The following KLHDC3 variants were observed in gnomAD, a reference collection of about 807,000 sequenced individuals.
KLHDC3 encodes the protein kelch domain containing 3.
A neutral mutation model predicts 44.1 loss-of-function variants in KLHDC3; 5 were observed. The observed-to-expected ratio is 0.11, with a 90% CI of 0.06 to 0.24. The LOEUF (loss-of-function observed/expected upper bound fraction) is 0.24. Among genes scored for constraint, KLHDC3 ranks in the 10% least tolerant of loss-of-function variants. KLHDC3 has a pLI of 1.00. For synonymous variants in KLHDC3, 170 were observed against 189.0 expected (o/e 0.90, Z 0.82); for missense variants, 247 against 514.3 (o/e 0.48, Z 5.03).
intron 10 of KLHDC3, among the ~76,000 whole-genome samples, 176 bp downstream of exon 10, chr6:43,019,542 T>C (rs757622033): frequency 2.0e-5 from 3 of 152,138 alleles, no homozygotes; most frequent in South Asian, 2.1e-4. Flanking sequence ...CATATAAAAC[T>C]GTCAGCAGAA....
At chr6:43,015,967 C>T (rs908282005) in intron 1 of KLHDC3, among the ~76,000 whole-genome samples, 5 of 151,394 alleles carry the variant, frequency 3.3e-5, no homozygotes, top group South Asian at 2.1e-4. Flanking sequence ...GACAGAGTCT[C>T]GCTCTGTCGC....
intron 1 of KLHDC3, among the ~76,000 whole-genome samples, chr6:43,015,744 G>C (rs1052864655): frequency 2.6e-5 from 4 of 151,620 alleles, no homozygotes; most frequent in African/African-American, 9.7e-5. Context: ...CAGCTACTTG[G>C]GAGGCTGAGG....
At chr6:43,014,533 G>A (rs746105229) in intron 1 of KLHDC3, 185 bp downstream of exon 1, 1 of 467,882 alleles carries the variant, frequency 2.1e-6, no homozygotes, top group South Asian at 1.5e-5. Context: ...CGAGGAGATG[G>A]GTAGGAGAGA....
At chr6:43,014,676 G>A in intron 1 of KLHDC3, 1 of 455,410 alleles carries the variant, frequency 2.2e-6, no homozygotes, top group Non-Finnish European at 4.4e-6. Context: ...TCTGGAAGAA[G>A]ACAGGGATAG....
chr6:43,017,059 C>T lies in KLHDC3; in HGVS notation c.-59-75C>T. 1 of 1,036,130 alleles carries T rather than the reference C, an allele frequency of 9.7e-7. No homozygotes were observed. The highest frequency in any genetic ancestry group is 2.4e-5 in the East Asian group (1 of 41,838). The allele number at this position is 1,036,130 out of a possible 1,614,324, so 64.2% of individuals were successfully genotyped here. A position where few individuals can be genotyped will look rare whatever the true frequency, so the allele number is the denominator to read the frequency against. On this transcript the variant is annotated intron_variant, in intron 1 of 10. Transcript: ENST00000326974. This position sits in a 1 kb window ranked among gnomAD's most constrained non-coding sequence, Gnocchi z 6.0. ...CCAGGGTGACACTTGGAGGCAAAGG[C>T]TGGTTCTGGGCAGAGTCACAGTGAG...
At chr6:43,019,806 C>T (rs1389458363) in intron 10 of KLHDC3, among the ~76,000 whole-genome samples, 4 of 152,154 alleles carry the variant, frequency 2.6e-5, no homozygotes, top group Non-Finnish European at 5.9e-5. Flanking sequence ...TCAAATTAAC[C>T]ACCAGATGTT....
Position 43,017,058 on chromosome 6 carries a change from G to A in KLHDC3, c.-59-76G>A. On this transcript the variant is annotated intron_variant, in intron 1 of 10. Coordinates refer to ENST00000326974, the MANE Select transcript of KLHDC3 (RefSeq NM_057161.4). The surrounding 1 kb of genome is among the most constrained non-coding windows in gnomAD (Gnocchi z 6.0). The stretch of plus-strand genomic sequence containing the variant: ...CCCAGGGTGACACTTGGAGGCAAAG[G>A]CTGGTTCTGGGCAGAGTCACAGTGA... The A allele has an allele frequency of 9.8e-7, 1 of 1,024,150 alleles. No individual in the cohort carries two copies. Among genetic ancestry groups the A allele is most frequent in the Non-Finnish European group, 1.4e-6 (1 of 694,336 alleles). 63.4% of individuals were successfully genotyped at this position (1,024,150 alleles called of 1,614,324 possible).
In KLHDC3 at chr6:43,020,940, C is replaced by G; in HGVS notation, c.*207C>G. Reference sequence around the variant, plus strand: ...TCCTCCCCCCTTGGGCCGAGGGCCCCTTCCCCTTGGTGCTCTGTCCCCATC... The same window carrying G: ...TCCTCCCCCCTTGGGCCGAGGGCCCGTTCCCCTTGGTGCTCTGTCCCCATC... On this transcript the variant is annotated 3_prime_UTR_variant, in exon 11 of 11. Transcript: ENST00000326974. 1 of 664,880 alleles carries G rather than the reference C, an allele frequency of 1.5e-6. No homozygotes were observed. Among genetic ancestry groups the G allele is most frequent in the Non-Finnish European group, 2.8e-6 (1 of 362,968 alleles). The allele number at this position is 664,880 out of a possible 1,614,324, so 41.2% of individuals were successfully genotyped here.
chr6:43,017,983 AAAAT>A lies in KLHDC3; in HGVS notation c.447+18_447+21del. On this transcript the variant is annotated intron_variant, in intron 4 of 10. Transcript: ENST00000326974. This position sits in a 1 kb window ranked among gnomAD's most constrained non-coding sequence, Gnocchi z 6.0. ...ACGAGCAGCAGGTAGGTCTGGGAATAAAATAAGAGGTTTAGGGTGGGACTGAGAA... is the reference window on the plus strand; with the variant it reads ...ACGAGCAGCAGGTAGGTCTGGGAATAAAGAGGTTTAGGGTGGGACTGAGAA... The A allele has an allele frequency of 6.3e-7, 1 of 1,597,590 alleles. No homozygotes were observed. Among genetic ancestry groups the A allele is most frequent in the South Asian group, 1.1e-5 (1 of 90,748 alleles).
At position 43,018,378 on chromosome 6, in the gene KLHDC3, C is replaced by T. The variant is rs759389901; in HGVS notation, c.555C>T (p.Ala185=). The stretch of plus-strand genomic sequence containing the variant: ...CACGCTGGAGGGACTTCCACTCAGC[C>T]ACAATGCTGGGAAGTCACATGTATG... ...SPARWRDFHS[A]TMLGSHMYVF... is the part of the protein sequence containing the mutation. Residue 185 remains alanine (A), a synonymous_variant, in exon 6 of 11, where the codon GCC becomes GCT. Coordinates refer to ENST00000326974, the MANE Select transcript of KLHDC3 (RefSeq NM_057161.4). This position sits in a 1 kb window ranked among gnomAD's most constrained non-coding sequence, Gnocchi z 6.0. The T allele has an allele frequency of 6.2e-7, 1 of 1,614,058 alleles. No individual in the cohort carries two copies. The highest frequency in any genetic ancestry group is 8.5e-7 in the Non-Finnish European group (1 of 1,180,020).
chr6:43,019,423 G>A (rs1762644401), intron 10 of KLHDC3, 57 bp downstream of exon 10: 1 of 1,209,298 alleles, frequency 8.3e-7, no homozygotes. Context: ...CAGCACAGGT[G>A]TGACCTGATT....
At chr6:43,016,957 C>T (rs978002957) in intron 1 of KLHDC3, 177 bp from the exon 2 acceptor site, 52 of 560,150 alleles carry the variant, frequency 9.3e-5, no homozygotes, top group Middle Eastern at 4.8e-4. Flanking sequence ...TCCCTGACCT[C>T]GGCAGCTCCC....
chr6:43,014,441 AT>A (rs940490120), intron 1 of KLHDC3, 93 bp downstream of exon 1: 1 of 387,862 alleles, frequency 2.6e-6, no homozygotes, highest in African/African-American at 3.1e-5. Context: ...CCTGAGAGTG[AT>A]GAGGTGGGGG....
chr6:43,014,370 G>C (rs1762503249), intron 1 of KLHDC3, 22 bp downstream of exon 1: 8 of 628,058 alleles, frequency 1.3e-5, no homozygotes, highest in Non-Finnish European at 2.9e-6. Flanking sequence ...TGGGTAGAAG[G>C]GCAAGGGAGA....
Position 43,017,135 on chromosome 6 carries a change from T to C in KLHDC3, c.-58T>C. On this transcript the variant is annotated splice_region_variant and 5_prime_UTR_variant, in exon 2 of 11. Transcript: ENST00000326974. This position sits in a 1 kb window ranked among gnomAD's most constrained non-coding sequence, Gnocchi z 6.0. ...CCCGTGGCCCCAATTTGTGTGCAGA[T>C]AGCAGAGGCAGCAGGCCGTGCCGGG... 4.5e-6 allele frequency: 7 copies of C among 1,572,162 alleles called. No homozygotes were observed. The highest frequency in any genetic ancestry group is 1.2e-5 in the South Asian group (1 of 86,522).
Position 43,017,684 on chromosome 6 carries a change from C to T in KLHDC3, c.320C>T (p.Ala107Val), listed in dbSNP as rs1762610176. 6.2e-7 allele frequency: 1 copy of T among 1,611,158 alleles called. No homozygotes were observed. Among genetic ancestry groups the T allele is most frequent in the Non-Finnish European group, 8.5e-7 (1 of 1,178,314 alleles). Residue 107 changes from alanine to valine, a missense_variant, in exon 3 of 11, where the codon GCC (alanine) becomes GTC (valine). Physicochemically the swap from Ala to Val is moderately conservative, Grantham distance 64. This residue lies in a region of KLHDC3 where 176 missense variants were observed against 413.5 expected (regional missense o/e 0.43). Coordinates refer to ENST00000326974, the MANE Select transcript of KLHDC3 (RefSeq NM_057161.4). The surrounding 1 kb of genome is among the most constrained non-coding windows in gnomAD (Gnocchi z 6.0). ...DTEGACNVLY[A>V]FDVNTHKWFT... Reference sequence around the variant, plus strand: ...GAAGGGGCCTGCAATGTGCTCTATGCCTTTGACGTCAGTGAGTATGGATCT... The same window carrying T: ...GAAGGGGCCTGCAATGTGCTCTATGTCTTTGACGTCAGTGAGTATGGATCT...
In KLHDC3 at chr6:43,017,256, G is replaced by T. The variant is rs1034683747; in HGVS notation, c.64G>T (p.Val22Phe). The T allele has an allele frequency of 6.2e-7, 1 of 1,614,206 alleles. No homozygotes were observed. Among genetic ancestry groups the T allele is most frequent in the East Asian group, 2.2e-5 (1 of 44,890 alleles). The change falls in exon 2 of 11, where the codon GTC becomes TTC. Residue 22 changes from valine (V) to phenylalanine (F), a missense_variant. Transcript: ENST00000326974. This position sits in a 1 kb window ranked among gnomAD's most constrained non-coding sequence, Gnocchi z 6.0. The part of the protein sequence containing the change: ...PRRVNHAAVA[V>F]GHRVYSFGGY... ...CAGGGTGAACCATGCTGCAGTGGCT[G>T]TCGGGCATCGGGTATACTCCTTCGG... is the stretch of plus-strand genomic sequence containing the variant.
chr6:43,018,144 G>A lies in KLHDC3; in HGVS notation c.448-1G>A. 1 of 1,604,448 alleles carries A rather than the reference G, an allele frequency of 6.2e-7. No homozygotes were observed. The highest frequency in any genetic ancestry group is 1.3e-5 in the African/African-American group (1 of 74,726). ...CTTCCTCCTTTTCTCTTCCTACTCA[G>A]GCGGACTGTTTTTCCAATGACATTC... On this transcript the variant is annotated splice_acceptor_variant, in intron 4 of 10. Transcript: ENST00000326974. LOFTEE classifies it high-confidence loss of function. This position sits in a 1 kb window ranked among gnomAD's most constrained non-coding sequence, Gnocchi z 6.0.
chr6:43,017,932 C>A lies in KLHDC3; in HGVS notation c.411C>A (p.Gly137=). Residue 137 remains glycine (G), a synonymous_variant, in exon 4 of 11, where the codon GGC becomes GGA. Transcript: ENST00000326974. The surrounding 1 kb of genome is among the most constrained non-coding windows in gnomAD (Gnocchi z 6.0). ...ARDGHSACVL[G]KIMYIFGGYE... ...ATGGACATTCAGCCTGTGTCCTAGG[C>A]AAGATCATGTACATTTTTGGGGGCT... 2 of 1,613,920 alleles carry A rather than the reference C, an allele frequency of 1.2e-6. No homozygotes were observed. The highest frequency in any genetic ancestry group is 1.7e-6 in the Non-Finnish European group (2 of 1,179,924).
Sources: gnomAD v4.1 joint callset for allele counts (sites outside exome capture counted in the v4.1 genomes callset) on GRCh38, gnomAD v4.1.1 for gene constraint, gnomAD v4.1.1 regional missense constraint, Gnocchi (gnomAD v3.1) non-coding constraint, MANE v1.5 for transcripts, NCBI Gene and HGNC (gene_info 2026-07-23, HGNC 2026-07-21) for gene names.